The following LSM14A variants were observed in gnomAD, a reference collection of about 807,000 sequenced individuals.
The protein encoded by LSM14A is protein LSM14 homolog A.
In LSM14A, 14 loss-of-function variants were observed where a neutral mutation model predicts 52.4. That is an observed-to-expected ratio of 0.27 (90% CI 0.18 to 0.42). The LOEUF (loss-of-function observed/expected upper bound fraction) is 0.42, where lower values mean the gene tolerates loss of function less well. LSM14A is among the 10% of genes least tolerant of loss of function. LSM14A has a pLI of 1.00. For synonymous variants in LSM14A, 185 were observed against 200.3 expected (o/e 0.92, Z 0.64); for missense variants, 417 against 581.8 (o/e 0.72, Z 2.91).
intron 9 of LSM14A, among the ~76,000 whole-genome samples, chr19:34,224,786 A>G (rs1432606383): frequency 1.3e-5 from 2 of 152,202 alleles, no homozygotes; most frequent in Non-Finnish European, 2.9e-5. Context: ...CATTTACCAA[A>G]TATACAGAAT....
At position 34,219,730 on chromosome 19, in the gene LSM14A, A is replaced by G; in HGVS notation, c.989A>G (p.Lys330Arg). 1 of 1,610,526 alleles carries G rather than the reference A, an allele frequency of 6.2e-7. No homozygotes were observed. The highest frequency in any genetic ancestry group is 1.1e-5 in the South Asian group (1 of 89,950). Residue 330 changes from lysine to arginine, a missense_variant, in exon 8 of 10, where the codon AAG becomes AGG. Lys to Arg is a conservative substitution (Grantham distance 26, BLOSUM62 2). Transcript: ENST00000544216. ...GAAGATAAACTTGAGAAACAGGAGA[A>G]GCCTGTAAATGGTGAAGATAAAGGA... Reference protein sequence around the residue: ...LKEDKLEKQEKPVNGEDKGDS... With the variant: ...LKEDKLEKQERPVNGEDKGDS...
chr19:34,200,968 T>C (rs1335159270), intron 3 of LSM14A, among the ~76,000 whole-genome samples: 1 of 152,208 alleles, frequency 6.6e-6, no homozygotes, highest in African/African-American at 2.4e-5. Context: ...GTTAAAAAAT[T>C]TGAACAGGAT....
At chr19:34,226,238 G>A (rs1362785291) in intron 9 of LSM14A, among the ~76,000 whole-genome samples, 4 of 151,864 alleles carry the variant, frequency 2.6e-5, no homozygotes, top group Non-Finnish European at 5.9e-5. Context: ...CACCATGGTG[G>A]GTGATAAAAA....
intron 1 of LSM14A, among the ~76,000 whole-genome samples, chr19:34,185,120 G>A (rs920976267): frequency 6.6e-6 from 1 of 152,182 alleles, no homozygotes; most frequent in African/African-American, 2.4e-5. Flanking sequence ...GATGGCTTTG[G>A]GGTTTTTTCA....
At chr19:34,173,581 A>G (rs1568467291) in intron 1 of LSM14A, among the ~76,000 whole-genome samples, 1 of 152,106 alleles carries the variant, frequency 6.6e-6, no homozygotes, top group Admixed American at 6.5e-5. Context: ...CCACAGTGTT[A>G]ATATTTGGCA....
chr19:34,213,162 A>G (rs2072294605), intron 4 of LSM14A, among the ~76,000 whole-genome samples: 1 of 146,318 alleles, frequency 6.8e-6, no homozygotes, highest in African/African-American at 2.8e-5. Context: ...TCCCTAAAAA[A>G]CAAAAAACAA....
intron 6 of LSM14A, among the ~76,000 whole-genome samples, chr19:34,217,367 A>G (rs1256105481): frequency 1.3e-5 from 2 of 150,294 alleles, no homozygotes; most frequent in African/African-American, 4.9e-5. Context: ...TATTTTCTTT[A>G]TCTGTTTTGT....
intron 1 of LSM14A, among the ~76,000 whole-genome samples, chr19:34,173,268 C>T (rs1263224795): frequency 6.6e-6 from 1 of 152,242 alleles, no homozygotes; most frequent in Admixed American, 6.5e-5. Flanking sequence ...GCGACGCAGA[C>T]ATTCTCGAAA....
Position 34,196,767 on chromosome 19 carries a change from T to C in LSM14A, c.415+4T>C. On this transcript the variant is annotated splice_donor_region_variant and intron_variant, in intron 3 of 9. Transcript: ENST00000544216. Reference sequence around the variant, plus strand: ...CAGTTTGGTGCTGTTGGTGTTGGTATGTTTTCTTTTTCTTTTCTTTTTTTG... The same window carrying C: ...CAGTTTGGTGCTGTTGGTGTTGGTACGTTTTCTTTTTCTTTTCTTTTTTTG... The C allele has an allele frequency of 6.3e-7, 1 of 1,591,054 alleles. No individual in the cohort carries two copies. Among genetic ancestry groups the C allele is most frequent in the South Asian group, 1.2e-5 (1 of 85,836 alleles).
chr19:34,203,956 G>A (rs995641521), intron 3 of LSM14A, among the ~76,000 whole-genome samples: 3 of 147,694 alleles, frequency 2.0e-5, no homozygotes, highest in Admixed American at 2.0e-4. Flanking sequence ...TATAAGAAAT[G>A]CACTGAAAGT....
At chr19:34,226,667 A>G (rs1336217550) in intron 9 of LSM14A, among the ~76,000 whole-genome samples, 1 of 152,200 alleles carries the variant, frequency 6.6e-6, no homozygotes, top group Non-Finnish European at 1.5e-5. Flanking sequence ...TGGGGTGAGA[A>G]TCAGCAGTAA....
In LSM14A at chr19:34,219,876, A is replaced by T; in HGVS notation, c.1135A>T (p.Arg379Ter). 1 of 1,600,966 alleles carries T rather than the reference A, an allele frequency of 6.2e-7. No homozygotes were observed. The highest frequency in any genetic ancestry group is 8.5e-7 in the Non-Finnish European group (1 of 1,169,996). The change falls in exon 8 of 10, where the codon AGA (arginine) becomes TGA (stop). Residue 379 changes from arginine to a stop codon, truncating the protein, a stop_gained and splice_region_variant. Transcript: ENST00000544216. LOFTEE classifies it high-confidence loss of function. ...TGATAATATTTCTTGTGATGACAAT[A>T]GGTACAGTTTTTAAGCTGTTCTTTT... Reference protein sequence around the residue: ...FFDNISCDDNRERRPTWAEER... With the variant: ...FFDNISCDDN
At chr19:34,224,525 T>G (rs1298174543) in intron 9 of LSM14A, among the ~76,000 whole-genome samples, 1 of 152,222 alleles carries the variant, frequency 6.6e-6, no homozygotes, top group Non-Finnish European at 1.5e-5. Flanking sequence ...CGCTCCTGTA[T>G]CCTTGACAGA....
At chr19:34,181,184 T>A (rs1427030373) in intron 1 of LSM14A, among the ~76,000 whole-genome samples, 1 of 152,190 alleles carries the variant, frequency 6.6e-6, no homozygotes, top group Non-Finnish European at 1.5e-5. Context: ...TTCAAGAACA[T>A]TGCTCCAGCA....
chr19:34,202,858 C>T (rs994343339), intron 3 of LSM14A, among the ~76,000 whole-genome samples: 31 of 152,074 alleles, frequency 2.0e-4, no homozygotes, highest in East Asian at 1.9e-4. Context: ...GGGGTTTCAC[C>T]GTGTTAGCCA....
intron 8 of LSM14A, among the ~76,000 whole-genome samples, 161 bp downstream of exon 8, chr19:34,220,038 C>G (rs1383415389): frequency 6.6e-6 from 1 of 152,210 alleles, no homozygotes; most frequent in African/African-American, 2.4e-5. Flanking sequence ...AGTGCAGTCA[C>G]AGCTCACTGT....
At chr19:34,212,941 A>G (rs1445256562) in intron 4 of LSM14A, among the ~76,000 whole-genome samples, 1 of 152,216 alleles carries the variant, frequency 6.6e-6, no homozygotes, top group Non-Finnish European at 1.5e-5. Flanking sequence ...GATTTAATGT[A>G]GTACCATAAA....
intron 3 of LSM14A, among the ~76,000 whole-genome samples, chr19:34,197,806 A>T (rs1055720184): frequency 2.6e-5 from 4 of 152,204 alleles, no homozygotes; most frequent in Non-Finnish European, 2.9e-5. Context: ...TACGCATAGC[A>T]TGATTGAGGG....
chr19:34,208,903 T>G lies in LSM14A; in HGVS notation c.416-26T>G, dbSNP rs565151327. 1.3e-3 allele frequency: 1,878 copies of G among 1,500,380 alleles called. 1 individual carries two copies. Among genetic ancestry groups the G allele is most frequent in the South Asian group, 5.7e-3 (442 of 78,158 alleles). 92.9% of individuals were successfully genotyped at this position (1,500,380 alleles called of 1,614,324 possible). ...ATGTCAAACATTTTTTAAAATTTTT[T>G]TATCATTTAAAAACATCTCTTTAAG... On this transcript the variant is annotated intron_variant, in intron 3 of 9. Transcript: ENST00000544216.
Sources: gnomAD v4.1 joint callset for allele counts (sites outside exome capture counted in the v4.1 genomes callset) on GRCh38, gnomAD v4.1.1 for gene constraint, MANE v1.5 for transcripts, NCBI Gene and HGNC (gene_info 2026-07-23, HGNC 2026-07-21) for gene names.